Variants in ZNF704 observed in about 807,000 individuals in gnomAD.
The protein encoded by ZNF704 is zinc finger protein 704, also known as glucocorticoid induced gene 1.
In ZNF704, 10 loss-of-function variants were observed where a neutral mutation model predicts 44.7. That is an observed-to-expected ratio of 0.22 (90% CI 0.14 to 0.38). The LOEUF (loss-of-function observed/expected upper bound fraction) is 0.38, where lower values mean the gene tolerates loss of function less well. ZNF704 is among the 10% of genes least tolerant of loss of function. The pLI is 1.00. For synonymous variants in ZNF704, 211 were observed against 207.6 expected (o/e 1.02, Z -0.14); for missense variants, 390 against 545.5 (o/e 0.71, Z 2.84).
At position 80,692,915 on chromosome 8, in the gene ZNF704, T is replaced by C. The variant is rs533481360; in HGVS notation, c.325+89A>G. ...CTAATGGGTGAGGGTCAGTGGTTCA[T>C]AGCGCTTGACAGGAATGAGACATCT... On this transcript the variant is annotated intron_variant, in intron 3 of 8. Transcript: ENST00000327835. The C allele has an allele frequency of 2.8e-5, 34 of 1,194,972 alleles. 1 individual carries two copies. The highest frequency in any genetic ancestry group is 9.1e-5 in the South Asian group (7 of 76,854). 74.0% of individuals were successfully genotyped at this position (1,194,972 alleles called of 1,614,324 possible).
intron 1 of ZNF704, among the ~76,000 whole-genome samples, chr8:80,873,849 C>G (rs1056347514): frequency 7.5e-5 from 11 of 146,346 alleles, no homozygotes; most frequent in African/African-American, 2.5e-4. Context: ...CCGGTCCCGG[C>G]GCTGCGCGGC....
At chr8:80,877,784 A>C (rs1809376789), upstream of ZNF704, among the ~76,000 whole-genome samples, 1 of 152,178 alleles carries the variant, frequency 6.6e-6, no homozygotes, top group Non-Finnish European at 1.5e-5. Flanking sequence ...CTCGGGGAGG[A>C]AGCAGACAAT....
At chr8:80,873,969 G>A (rs1809309469) in intron 1 of ZNF704, among the ~76,000 whole-genome samples, 1 of 146,322 alleles carries the variant, frequency 6.8e-6, no homozygotes, top group South Asian at 2.1e-4. Context: ...GCGGGCGCCG[G>A]CCCGGCAGGC....
intron 1 of ZNF704, among the ~76,000 whole-genome samples, chr8:80,850,668 C>G (rs1263517316): frequency 1.3e-5 from 2 of 152,172 alleles, no homozygotes; most frequent in Non-Finnish European, 2.9e-5. Context: ...TTAAACTTAG[C>G]TCTAATATCA....
chr8:80,754,542 C>A (rs1336211839), intron 2 of ZNF704, among the ~76,000 whole-genome samples: 3 of 152,190 alleles, frequency 2.0e-5, no homozygotes, highest in Non-Finnish European at 4.4e-5. Flanking sequence ...TCTGAAAGCC[C>A]AGAATAGTTC....
chr8:80,821,944 A>T (rs1808279745), intron 1 of ZNF704, among the ~76,000 whole-genome samples: 1 of 152,142 alleles, frequency 6.6e-6, no homozygotes, highest in Non-Finnish European at 1.5e-5. Context: ...AACTAAGAAA[A>T]TTCAAGTAAA....
intron 2 of ZNF704, among the ~76,000 whole-genome samples, chr8:80,699,251 G>GT (rs1307378143): frequency 1.3e-5 from 2 of 152,280 alleles, no homozygotes; most frequent in East Asian, 3.9e-4. Context: ...ACTGGATTCA[G>GT]TAACTATTAA....
intron 1 of ZNF704, among the ~76,000 whole-genome samples, chr8:80,865,062 T>C (rs1452372114): frequency 6.6e-6 from 1 of 152,180 alleles, no homozygotes; most frequent in African/African-American, 2.4e-5. Context: ...CTCAGATGAA[T>C]GGAGTCACTT....
chr8:80,867,934 G>C (rs1374998127), intron 1 of ZNF704, among the ~76,000 whole-genome samples: 1 of 152,208 alleles, frequency 6.6e-6, no homozygotes, highest in African/African-American at 2.4e-5. Flanking sequence ...GCTTCTAGCA[G>C]TCTTTTGTGT....
intron 2 of ZNF704, among the ~76,000 whole-genome samples, chr8:80,715,316 C>T (rs931564953): frequency 2.0e-5 from 3 of 152,020 alleles, no homozygotes; most frequent in African/African-American, 4.8e-5. Context: ...CCAAAGTGAA[C>T]GTTTTATTCT....
At chr8:80,846,467 A>G (rs73264430) in intron 1 of ZNF704, among the ~76,000 whole-genome samples, 32,616 of 151,868 alleles carry the variant, frequency 0.21, 5,049 homozygotes, top group African/African-American at 0.44. Flanking sequence ...TTACCAGTTC[A>G]TTTAAAAATG....
intron 1 of ZNF704, among the ~76,000 whole-genome samples, chr8:80,862,960 C>G (rs1809093773): frequency 6.6e-6 from 1 of 151,698 alleles, no homozygotes; most frequent in South Asian, 2.1e-4. Context: ...AATGCCCCCC[C>G]TTTCCCACTG....
intron 7 of ZNF704, among the ~76,000 whole-genome samples, chr8:80,653,405 T>C (rs930479832): frequency 9.7e-4 from 148 of 152,218 alleles, no homozygotes; most frequent in Non-Finnish European, 1.4e-3. Flanking sequence ...GACATGATTG[T>C]ATATCTAGAA....
At chr8:80,684,318 T>C (rs1158024787) in intron 4 of ZNF704, among the ~76,000 whole-genome samples, 1 of 152,248 alleles carries the variant, frequency 6.6e-6, no homozygotes, top group Non-Finnish European at 1.5e-5. Flanking sequence ...CACATATGTA[T>C]ACACTGAAAC....
intron 4 of ZNF704, among the ~76,000 whole-genome samples, chr8:80,674,052 A>G (rs1818321583): frequency 6.6e-6 from 1 of 152,228 alleles, no homozygotes. Flanking sequence ...TTACAGCTGA[A>G]GCTCTTTGAG....
At chr8:80,880,327 G>A in the ZNF704 span, among the ~76,000 whole-genome samples, 1 of 152,184 alleles carries the variant, frequency 6.6e-6, no homozygotes, top group African/African-American at 2.4e-5. Flanking sequence ...ACCAAACCAT[G>A]TAGTTCAAGA....
At position 80,830,753 on chromosome 8, in the gene ZNF704, C is replaced by CTTTCTTT. The variant is rs1554585536; in HGVS notation, c.-21-9139_-21-9138insAAAGAAA. On this transcript the variant is annotated intron_variant, in intron 1 of 8. Transcript: ENST00000327835. ...ATTGATATAGAGGGTGTGTTTCTTTCTTTTTTTTTTTTTTTTTTTTTTCAG... is the reference window on the plus strand; with the variant it reads ...ATTGATATAGAGGGTGTGTTTCTTTCTTTCTTTTTTTTTTTTTTTTTTTTTTTTTCAG... Among the ~76,000 whole-genome samples the CTTTCTTT allele has an allele frequency of 1.3e-3, 114 of 89,122 alleles. 1 individual carries two copies. Among genetic ancestry groups the CTTTCTTT allele is most frequent in the Non-Finnish European group, 2.1e-3 (93 of 44,826 alleles). 58.5% of individuals were successfully genotyped at this position (89,122 alleles called of 152,430 possible). A position where few individuals can be genotyped will look rare whatever the true frequency, so the allele number is the denominator to read the frequency against.
At position 80,852,904 on chromosome 8, in the gene ZNF704, C is replaced by T. The variant is rs77691696; in HGVS notation, c.-22+21667G>A. ...ATACCATACCATTAAATAATATTTT[C>T]TGATGTAAATTAAGCAAGTATATGA... On this transcript the variant is annotated intron_variant, in intron 1 of 8. Transcript: ENST00000327835. 5.2e-3 allele frequency among the ~76,000 whole-genome samples: 795 copies of T among 152,292 alleles called. 6 individuals carry two copies. Among genetic ancestry groups the T allele is most frequent in the African/African-American group, 0.018 (751 of 41,552 alleles).
rs1554589964 is a variant in ZNF704 at position 80,874,244 on chromosome 8, C to CGGCGGCCGGCGGCTACGGCGG, written c.-22+306_-22+326dup. Among the ~76,000 whole-genome samples, 320 of 144,514 alleles carry CGGCGGCCGGCGGCTACGGCGG rather than the reference C, an allele frequency of 2.2e-3. 2 individuals are homozygous for CGGCGGCCGGCGGCTACGGCGG. The highest frequency in any genetic ancestry group is 7.3e-3 in the African/African-American group (295 of 40,374). The allele number at this position is 144,514 out of a possible 152,430, so 94.8% of individuals were successfully genotyped here. A position where few individuals can be genotyped will look rare whatever the true frequency, so the allele number is the denominator to read the frequency against. On this transcript the variant is annotated intron_variant, in intron 1 of 8. Coordinates refer to ENST00000327835, the MANE Select transcript of ZNF704 (RefSeq NM_001033723.3). The surrounding 1 kb of genome is among the most constrained non-coding windows in gnomAD (Gnocchi z 4.4). The stretch of plus-strand genomic sequence containing the variant: ...TCGCTGGACCGGCCGGCGGGGACGC[C>CGGCGGCCGGCGGCTACGGCGG]GGCGGCCGGCGGCTACGGCGGGGCG...
Sources: allele counts gnomAD v4.1 joint callset (sites outside exome capture counted in the v4.1 genomes callset), GRCh38; gene constraint gnomAD v4.1.1; non-coding constraint Gnocchi (gnomAD v3.1); transcripts MANE v1.5; gene names NCBI Gene and HGNC (gene_info 2026-07-23, HGNC 2026-07-21).